The following CALN1 variants were observed in gnomAD, a reference collection of about 807,000 sequenced individuals.
The protein encoded by CALN1 is calcium-binding protein 8.
In CALN1, 17 loss-of-function variants were observed where a neutral mutation model predicts 30.6. That is an observed-to-expected ratio of 0.56 (90% CI 0.38 to 0.83). The LOEUF (loss-of-function observed/expected upper bound fraction) is 0.83. CALN1 is among the 40% of genes least tolerant of loss of function. The pLI is 0.00. For missense variants in CALN1, 291 were observed against 354.9 expected, an observed-to-expected ratio of 0.82 and a Z score of 1.45; for synonymous variants, 156 against 131.4, an observed-to-expected ratio of 1.19 and a Z score of -1.28.
intron 2 of CALN1, among the ~76,000 whole-genome samples, chr7:72,331,087 T>C (rs1265584301): frequency 1.3e-5 from 2 of 152,106 alleles, no homozygotes; most frequent in East Asian, 3.9e-4. Flanking sequence ...CGGTGGCTCA[T>C]ACCTGTAATC....
intron 5 of CALN1, among the ~76,000 whole-genome samples, chr7:71,961,661 C>T (rs370908277): frequency 6.6e-6 from 1 of 152,226 alleles, no homozygotes; most frequent in Admixed American, 6.5e-5. Flanking sequence ...CTCCCTGCAC[C>T]TCTCTGCCCT....
intron 5 of CALN1, among the ~76,000 whole-genome samples, chr7:72,005,193 G>T (rs774326503): frequency 1.3e-5 from 2 of 152,194 alleles, no homozygotes; most frequent in African/African-American, 2.4e-5. Context: ...CATACAAATG[G>T]TCGCAGCAGC....
chr7:71,854,818 A>G (rs1266128409), intron 5 of CALN1, among the ~76,000 whole-genome samples: 1 of 152,256 alleles, frequency 6.6e-6, no homozygotes, highest in African/African-American at 2.4e-5. Context: ...CTCATTTCCC[A>G]AGAAAAACTA....
intron 6 of CALN1, among the ~76,000 whole-genome samples, chr7:71,804,862 C>T (rs1258494552): frequency 2.6e-5 from 4 of 151,994 alleles, no homozygotes; most frequent in Non-Finnish European, 5.9e-5. Flanking sequence ...CTCAGAAGGC[C>T]GAGGCAGGAG....
Position 72,408,261 on chromosome 7 carries a change from C to G in CALN1, c.-74+3797G>C, listed in dbSNP as rs1200032762. On this transcript the variant is annotated intron_variant, in intron 1 of 6. Coordinates refer to ENST00000395275, the MANE Select transcript of CALN1 (RefSeq NM_031468.4). Reference sequence around the variant, plus strand: ...CAGCCTGGCCAACATGGTGAAACCCCATCTCTATTAAAAAAAAAAAAAAAA... The same window carrying G: ...CAGCCTGGCCAACATGGTGAAACCCGATCTCTATTAAAAAAAAAAAAAAAA... Among the ~76,000 whole-genome samples the G allele has an allele frequency of 5.2e-5, 7 of 134,518 alleles. No individual in the cohort carries two copies. In the East Asian group the frequency reaches 1.5e-3, roughly 28 times the overall value. 88.2% of individuals were successfully genotyped at this position (134,518 alleles called of 152,430 possible). A position where few individuals can be genotyped will look rare whatever the true frequency, so the allele number is the denominator to read the frequency against.
At chr7:71,855,293 A>T (rs981476157) in intron 5 of CALN1, among the ~76,000 whole-genome samples, 14 of 152,268 alleles carry the variant, frequency 9.2e-5, no homozygotes, top group African/African-American at 2.9e-4. Flanking sequence ...GTAGCTCAGG[A>T]GTCCGTGTTT....
At chr7:72,028,072 A>AC (rs1801200293) in intron 4 of CALN1, among the ~76,000 whole-genome samples, 1 of 112,802 alleles carries the variant, frequency 8.9e-6, no homozygotes, top group Non-Finnish European at 1.7e-5. Context: ...AAAAAAAAAA[A>AC]AAAAAAAAAA....
At chr7:72,194,815 C>T (rs899453023) in intron 3 of CALN1, among the ~76,000 whole-genome samples, 1 of 151,904 alleles carries the variant, frequency 6.6e-6, no homozygotes, top group Non-Finnish European at 1.5e-5. Context: ...TGGTCTCAAT[C>T]TCTTGACCTC....
At chr7:71,991,360 G>A (rs576184756) in intron 5 of CALN1, among the ~76,000 whole-genome samples, 315 of 152,136 alleles carry the variant, frequency 2.1e-3, no homozygotes, top group African/African-American at 6.9e-3. Context: ...TCGGGAGGCT[G>A]TGACAGGAGA....
rs749388272 is a variant in CALN1 at position 72,169,985 on chromosome 7, A to AC, written c.245-63692dup. ...TGGGATTACGGGCGTGAGACACCGCACCTGGCCAATTTTTATTGTTATTTT... is the reference window on the plus strand; with the variant it reads ...TGGGATTACGGGCGTGAGACACCGCACCCTGGCCAATTTTTATTGTTATTTT... On this transcript the variant is annotated intron_variant, in intron 3 of 6. Transcript: ENST00000395275. Among the ~76,000 whole-genome samples, 170 of 149,450 alleles carry AC rather than the reference A, an allele frequency of 1.1e-3. 11 individuals carry two copies. The highest frequency in any genetic ancestry group is 4.7e-4 in the Non-Finnish European group (32 of 67,550).
At chr7:72,204,532 T>C (rs889073939) in intron 3 of CALN1, among the ~76,000 whole-genome samples, 8 of 152,190 alleles carry the variant, frequency 5.3e-5, no homozygotes, top group Non-Finnish European at 1.0e-4. Flanking sequence ...ATATACTATG[T>C]AATGTGGCAA....
At chr7:72,357,227 G>A (rs1021125815) in intron 2 of CALN1, among the ~76,000 whole-genome samples, 1 of 151,834 alleles carries the variant, frequency 6.6e-6, no homozygotes, top group African/African-American at 2.4e-5. Context: ...CCTGTGCTTC[G>A]GAACCAACGC....
rs1302331328 is a variant in CALN1 at position 72,433,149 on chromosome 7, G to C, written c.-226+13893C>G. On this transcript the variant is annotated intron_variant, in intron 1 of 6. Transcript: ENST00000395276. ...TTTTCCTCTGAATCACTCACTACAA[G>C]GGGGAAAGGAACCTGCCCCTTGGAG... is the stretch of plus-strand genomic sequence containing the variant. 6.6e-5 allele frequency among the ~76,000 whole-genome samples: 10 copies of C among 152,210 alleles called. No individual in the cohort carries two copies. In the East Asian group the frequency reaches 1.9e-3, roughly 29 times the overall value.
At chr7:72,403,120 T>A in intron 2 of CALN1, 131 bp downstream of exon 2, 1 of 626,728 alleles carries the variant, frequency 1.6e-6, no homozygotes, top group Admixed American at 2.9e-5. Context: ...CTCTCCCAGG[T>A]GTCCATTTCA....
At chr7:72,498,771 T>C in the CALN1 span, among the ~76,000 whole-genome samples, 1 of 152,096 alleles carries the variant, frequency 6.6e-6, no homozygotes, top group African/African-American at 2.4e-5. Context: ...GAGTTTTCTT[T>C]TTATCACAAA....
intron 3 of CALN1, among the ~76,000 whole-genome samples, chr7:72,191,381 C>T (rs1445695112): frequency 6.6e-6 from 1 of 151,874 alleles, no homozygotes; most frequent in Non-Finnish European, 1.5e-5. Context: ...GCAGGTGGAT[C>T]ACTTTAGGTC....
intron 5 of CALN1, among the ~76,000 whole-genome samples, chr7:71,871,988 C>CT (rs1217004007): frequency 6.6e-6 from 1 of 152,162 alleles, no homozygotes; most frequent in Admixed American, 6.5e-5. Flanking sequence ...TAGCCACTGG[C>CT]TACATGTGTC....
chr7:71,863,585 A>G (rs1015714618), intron 5 of CALN1, among the ~76,000 whole-genome samples: 3 of 146,868 alleles, frequency 2.0e-5, no homozygotes, highest in Non-Finnish European at 3.0e-5. Flanking sequence ...AAAAAAAAAG[A>G]AGAAAGAAAG....
At chr7:71,828,294 C>CAA (rs1262481243) in intron 5 of CALN1, among the ~76,000 whole-genome samples, 2 of 152,084 alleles carry the variant, frequency 1.3e-5, no homozygotes, top group African/African-American at 4.8e-5. Flanking sequence ...ACTCTGCCCT[C>CAA]AAAGAAATGG....
Sources: allele counts gnomAD v4.1 joint callset (sites outside exome capture counted in the v4.1 genomes callset), GRCh38; gene constraint gnomAD v4.1.1; transcripts MANE v1.5; gene names NCBI Gene and HGNC (gene_info 2026-07-23, HGNC 2026-07-21).